Variants in KCNH1 observed in about 807,000 individuals in gnomAD.
KCNH1 encodes the protein potassium voltage-gated channel subfamily H member 1.
A neutral mutation model predicts 69.2 loss-of-function variants in KCNH1; 27 were observed. The ratio of observed to expected loss-of-function variants is 0.39; its 90% confidence interval spans 0.29 to 0.54. The LOEUF (loss-of-function observed/expected upper bound fraction) is 0.54. Among genes scored for constraint, KCNH1 ranks in the 20% least tolerant of loss-of-function variants. The pLI is 0.68. For missense variants in KCNH1, 798 were observed against 1,261.6 expected, an observed-to-expected ratio of 0.63 and a Z score of 5.57; for synonymous variants, 456 against 487.7, an observed-to-expected ratio of 0.93 and a Z score of 0.86.
intron 7 of KCNH1, among the ~76,000 whole-genome samples, chr1:210,816,663 C>T (rs2023553374): frequency 6.6e-6 from 1 of 152,184 alleles, no homozygotes; most frequent in South Asian, 2.1e-4. Flanking sequence ...CTAATGAGAG[C>T]TCTAAGTTTA....
At chr1:211,109,012 G>A (rs1571653225) in intron 1 of KCNH1, among the ~76,000 whole-genome samples, 1 of 152,202 alleles carries the variant, frequency 6.6e-6, no homozygotes. Context: ...AACTCTGAGA[G>A]AGGTAAAGGG....
At chr1:210,978,507 G>C (rs186742465) in intron 6 of KCNH1, among the ~76,000 whole-genome samples, 1 of 152,130 alleles carries the variant, frequency 6.6e-6, no homozygotes, top group Admixed American at 6.5e-5. Flanking sequence ...TTCTTTGTAA[G>C]CCTCATCATG....
chr1:210,978,067 T>A (rs1688646715), intron 6 of KCNH1, among the ~76,000 whole-genome samples: 1 of 150,736 alleles, frequency 6.6e-6, no homozygotes. Context: ...TTAGATGGAG[T>A]CTCGCTCTGT....
intron 1 of KCNH1, among the ~76,000 whole-genome samples, chr1:211,121,346 A>G (rs184204946): frequency 3.7e-4 from 56 of 152,344 alleles, no homozygotes; most frequent in African/African-American, 1.3e-3. Flanking sequence ...AGACCAATGG[A>G]GCAGAACAGA....
intron 5 of KCNH1, among the ~76,000 whole-genome samples, chr1:211,030,981 G>A (rs1689772551): frequency 6.6e-6 from 1 of 151,906 alleles, no homozygotes; most frequent in Non-Finnish European, 1.5e-5. Context: ...ATAAGCACAT[G>A]AAAAAAATGT....
chr1:210,933,526 T>A (rs571541454), intron 6 of KCNH1, among the ~76,000 whole-genome samples: 101 of 149,800 alleles, frequency 6.7e-4, no homozygotes, highest in Admixed American at 1.4e-3. Context: ...TAATAAAATT[T>A]AAAAAAAAAA....
At chr1:210,735,342 T>C (rs1397457923) in intron 10 of KCNH1, among the ~76,000 whole-genome samples, 1 of 152,076 alleles carries the variant, frequency 6.6e-6, no homozygotes, top group Non-Finnish European at 1.5e-5. Context: ...TCCTTGGGAA[T>C]GGGAATTCAT....
intron 6 of KCNH1, among the ~76,000 whole-genome samples, chr1:210,981,676 G>A (rs573455809): frequency 6.6e-6 from 1 of 152,234 alleles, no homozygotes; most frequent in African/African-American, 2.4e-5. Flanking sequence ...CATCTGTACT[G>A]TCAAATGAAA....
chr1:210,842,813 GT>G (rs530323359), intron 7 of KCNH1, among the ~76,000 whole-genome samples: 40 of 151,816 alleles, frequency 2.6e-4, no homozygotes, highest in African/African-American at 9.7e-4. Context: ...AGCTAAAGTT[GT>G]TTTTTTTCAG....
chr1:211,114,315 A>C (rs932863598), intron 1 of KCNH1, among the ~76,000 whole-genome samples: 1 of 152,192 alleles, frequency 6.6e-6, no homozygotes, highest in African/African-American at 2.4e-5. Flanking sequence ...CCCACCCAGA[A>C]GAGACTGAGT....
At chr1:211,042,356 C>T (rs1690010783) in intron 5 of KCNH1, among the ~76,000 whole-genome samples, 1 of 152,020 alleles carries the variant, frequency 6.6e-6, no homozygotes, top group African/African-American at 2.4e-5. Flanking sequence ...CCCATGAAAA[C>T]AAAGTGCTTG....
chr1:210,716,819 C>T lies in KCNH1; in HGVS notation c.2113-32681G>A, dbSNP rs1372108352. Among the ~76,000 whole-genome samples the T allele has an allele frequency of 3.9e-5, 6 of 152,270 alleles. No homozygotes were observed. In the East Asian group the frequency reaches 1.2e-3, roughly 29 times the overall value. On this transcript the variant is annotated intron_variant, in intron 10 of 10. Transcript: ENST00000271751. ...GGCTCTGCAAAGAGTAGGTGCTGGG[C>T]ATACACTTATAGATAATCACGAGTT...
intron 6 of KCNH1, among the ~76,000 whole-genome samples, chr1:210,991,646 A>G (rs1688939497): frequency 6.6e-6 from 1 of 151,960 alleles, no homozygotes; most frequent in Admixed American, 6.6e-5. Context: ...ACACATACAC[A>G]CATACACACC....
chr1:210,758,703 C>T (rs983324534), intron 10 of KCNH1, among the ~76,000 whole-genome samples: 16 of 152,180 alleles, frequency 1.1e-4, no homozygotes, highest in African/African-American at 3.9e-4. Context: ...AATATATCAC[C>T]TTCCACCAAC....
intron 1 of KCNH1, among the ~76,000 whole-genome samples, chr1:211,130,811 T>C (rs17017231): frequency 0.015 from 2,288 of 152,276 alleles, 69 homozygotes; most frequent in African/African-American, 0.052. Flanking sequence ...AGATGTTAAG[T>C]GCCCATTATC....
At chr1:211,121,196 A>G (rs1013503482) in intron 1 of KCNH1, among the ~76,000 whole-genome samples, 4 of 152,250 alleles carry the variant, frequency 2.6e-5, no homozygotes, top group African/African-American at 9.6e-5. Flanking sequence ...TTTCATGTAG[A>G]ATCAAAGAAG....
At chr1:211,085,813 G>A (rs767224637) in intron 4 of KCNH1, among the ~76,000 whole-genome samples, 2 of 152,156 alleles carry the variant, frequency 1.3e-5, no homozygotes, top group Admixed American at 6.5e-5. Context: ...AATCACTTCT[G>A]GAGAAAGTGA....
intron 6 of KCNH1, among the ~76,000 whole-genome samples, chr1:210,936,659 C>T (rs1687780764): frequency 6.6e-6 from 1 of 152,130 alleles, no homozygotes; most frequent in Non-Finnish European, 1.5e-5. Flanking sequence ...TTTCTTGGCC[C>T]CTCCCTTACA....
intron 5 of KCNH1, among the ~76,000 whole-genome samples, chr1:211,030,516 C>A (rs1689763160): frequency 6.6e-6 from 1 of 152,094 alleles, no homozygotes; most frequent in Non-Finnish European, 1.5e-5. Context: ...GAAAGACAGC[C>A]TTTTTAACAA....
Sources: allele counts gnomAD v4.1 joint callset (sites outside exome capture counted in the v4.1 genomes callset), GRCh38; gene constraint gnomAD v4.1.1; transcripts MANE v1.5; gene names NCBI Gene and HGNC (gene_info 2026-07-23, HGNC 2026-07-21).